MBOAT1: variants seen among roughly 807,000 people sequenced by gnomAD.
MBOAT1 encodes membrane-bound glycerophospholipid O-acyltransferase 1.
In MBOAT1, 67 loss-of-function variants were observed where a neutral mutation model predicts 64.4. The observed-to-expected ratio is 1.04, with a 90% CI of 0.85 to 1.27. MBOAT1 has a LOEUF of 1.27. Ranked by LOEUF, MBOAT1 falls within the 50% of genes most tolerant of loss-of-function variation. MBOAT1 has a pLI of 0.00. For synonymous variants in MBOAT1, 229 were observed against 218.9 expected, an observed-to-expected ratio of 1.05 and a Z score of -0.41; for missense variants, 563 against 604.6, an observed-to-expected ratio of 0.93 and a Z score of 0.72.
At chr6:20,139,400 C>T (rs543939722) in intron 4 of MBOAT1, among the ~76,000 whole-genome samples, 5 of 150,984 alleles carry the variant, frequency 3.3e-5, no homozygotes, top group East Asian at 2.0e-4. Context: ...AACGGTGCCC[C>T]GCCCAATGTG....
chr6:20,115,479 CA>C, intron 9 of MBOAT1, 127 bp from the exon 10 acceptor site: 1 of 724,038 alleles, frequency 1.4e-6, no homozygotes, highest in Non-Finnish European at 2.4e-6. Flanking sequence ...CAGTTGAGAG[CA>C]AGTCAGCTGT....
intron 1 of MBOAT1, among the ~76,000 whole-genome samples, chr6:20,175,240 T>C (rs1486634335): frequency 2.0e-5 from 3 of 152,164 alleles, no homozygotes; most frequent in Non-Finnish European, 2.9e-5. Context: ...TTAAGTCAAG[T>C]ATTTTAAGCT....
chr6:20,191,261 C>T (rs1020266527), intron 1 of MBOAT1, among the ~76,000 whole-genome samples: 5 of 152,188 alleles, frequency 3.3e-5, no homozygotes, highest in African/African-American at 9.7e-5. Context: ...TGGGATGACC[C>T]CTTGCCAAAA....
intron 6 of MBOAT1, 89 bp from the exon 7 acceptor site, chr6:20,126,789 T>C: frequency 1.1e-6 from 1 of 929,436 alleles, no homozygotes; most frequent in Non-Finnish European, 1.6e-6. Flanking sequence ...ATGTTATCTC[T>C]GTAGATTCGA....
chr6:20,169,973 T>G (rs916275118), intron 1 of MBOAT1, among the ~76,000 whole-genome samples: 7 of 152,236 alleles, frequency 4.6e-5, no homozygotes, highest in Non-Finnish European at 8.8e-5. Flanking sequence ...ACACCCAGTC[T>G]TGGCCTGCCA....
At chr6:20,203,191 T>C (rs9350221) in intron 1 of MBOAT1, among the ~76,000 whole-genome samples, 77,223 of 152,046 alleles carry the variant, frequency 0.51, 21,862 homozygotes, top group Non-Finnish European at 0.63. Context: ...AGCTACAGAA[T>C]ACTTGAGAGT....
intron 11 of MBOAT1, among the ~76,000 whole-genome samples, chr6:20,110,163 C>T (rs1187347352): frequency 6.6e-6 from 1 of 151,442 alleles, no homozygotes; most frequent in East Asian, 1.9e-4. Context: ...CCCACCTTGG[C>T]CGCCCAAAGT....
At chr6:20,174,816 C>G (rs1391793462) in intron 1 of MBOAT1, among the ~76,000 whole-genome samples, 2 of 152,190 alleles carry the variant, frequency 1.3e-5, no homozygotes, top group Non-Finnish European at 2.9e-5. Context: ...ACAGGATCCA[C>G]ACTGATTGCA....
intron 8 of MBOAT1, among the ~76,000 whole-genome samples, chr6:20,124,181 G>A (rs1288760013): frequency 6.6e-6 from 1 of 152,156 alleles, no homozygotes; most frequent in African/African-American, 2.4e-5. Flanking sequence ...ATAACATTGG[G>A]TTTAAACAAC....
Position 20,124,554 on chromosome 6 carries a change from A to G in MBOAT1, c.761T>C (p.Leu254Ser), listed in dbSNP as rs758397221. ...AAAGGTCTTCGTTAGCGTCAAAAACAAAAGGAGAGACACCAAGGTGATGCC... is the reference window on the plus strand; with the variant it reads ...AAAGGTCTTCGTTAGCGTCAAAAACGAAAGGAGAGACACCAAGGTGATGCC... ...KLGITLVSLL[L>S]FLTLTKTFPV... Residue 254 changes from leucine to serine, a missense_variant, in exon 8 of 13, where the codon TTG becomes TCG. By Grantham distance (145) the Leu-to-Ser change is moderately radical. Transcript: ENST00000324607. 6.2e-7 allele frequency: 1 copy of G among 1,614,234 alleles called. No homozygotes were observed. The highest frequency in any genetic ancestry group is 2.2e-5 in the East Asian group (1 of 44,878).
chr6:20,199,967 CA>C (rs11325356), intron 1 of MBOAT1, among the ~76,000 whole-genome samples: 36,799 of 150,520 alleles, frequency 0.24, 5,479 homozygotes, highest in African/African-American at 0.42. Context: ...GACTCTGTCT[CA>C]AAAAAAAATA....
intron 1 of MBOAT1, among the ~76,000 whole-genome samples, chr6:20,158,051 G>A (rs1761746482): frequency 6.6e-6 from 1 of 151,820 alleles, no homozygotes; most frequent in South Asian, 2.1e-4. Context: ...AGCTACTCGG[G>A]AGGCTGAGGC....
chr6:20,111,715 T>C (rs1442312281), intron 11 of MBOAT1, among the ~76,000 whole-genome samples: 2 of 150,654 alleles, frequency 1.3e-5, no homozygotes, highest in African/African-American at 2.4e-5. Context: ...GAGAAGAAAA[T>C]GTCTCCCCTG....
At chr6:20,156,037 G>C (rs1356701061) in intron 1 of MBOAT1, among the ~76,000 whole-genome samples, 1 of 152,060 alleles carries the variant, frequency 6.6e-6, no homozygotes, top group African/African-American at 2.4e-5. Flanking sequence ...GGGAGGCCGA[G>C]GCGGGCAGAT....
At chr6:20,145,601 GA>G (rs1222803822) in intron 3 of MBOAT1, among the ~76,000 whole-genome samples, 1 of 152,146 alleles carries the variant, frequency 6.6e-6, no homozygotes, top group Non-Finnish European at 1.5e-5. Context: ...TGCAACCCCT[GA>G]ACACAGCATG....
chr6:20,177,156 G>C (rs975363773), intron 1 of MBOAT1, among the ~76,000 whole-genome samples: 2 of 152,076 alleles, frequency 1.3e-5, no homozygotes, highest in Non-Finnish European at 2.9e-5. Flanking sequence ...ATTAAACATA[G>C]GCCAGAACTT....
At chr6:20,161,339 A>G (rs564384226) in intron 1 of MBOAT1, among the ~76,000 whole-genome samples, 3 of 152,206 alleles carry the variant, frequency 2.0e-5, no homozygotes, top group South Asian at 4.2e-4. Flanking sequence ...GGTGAGTTGT[A>G]TAATTATTTC....
intron 1 of MBOAT1, among the ~76,000 whole-genome samples, chr6:20,161,398 G>A (rs576295725): frequency 1.3e-5 from 2 of 152,050 alleles, no homozygotes; most frequent in East Asian, 3.9e-4. Context: ...CACAATAAAT[G>A]TAATGAGCTT....
chr6:20,180,265 G>A (rs887957912), intron 1 of MBOAT1, among the ~76,000 whole-genome samples: 4 of 151,990 alleles, frequency 2.6e-5, no homozygotes, highest in African/African-American at 2.4e-5. Flanking sequence ...GTAGACCTTC[G>A]CTTTGCCCAG....
Sources: allele counts gnomAD v4.1 joint callset (sites outside exome capture counted in the v4.1 genomes callset), GRCh38; gene constraint gnomAD v4.1.1; transcripts MANE v1.5; gene names NCBI Gene and HGNC (gene_info 2026-07-23, HGNC 2026-07-21).